The following SLC25A21 variants were observed in gnomAD, a reference collection of about 807,000 sequenced individuals.
SLC25A21 encodes the protein solute carrier family 25 member 21, also known as mitochondrial 2-oxodicarboxylate carrier.
SLC25A21 carries 47 observed loss-of-function variants against 43.8 expected under a neutral mutation model. The observed-to-expected ratio is 1.07, with a 90% CI of 0.85 to 1.37. The LOEUF (loss-of-function observed/expected upper bound fraction) is 1.37, where lower values mean the gene tolerates loss of function less well. Ranked by LOEUF, SLC25A21 falls within the 40% of genes most tolerant of loss-of-function variation. SLC25A21 has a pLI of 0.00. For synonymous variants in SLC25A21, 131 were observed against 121.3 expected (o/e 1.08, Z -0.52); for missense variants, 352 against 350.2 (o/e 1.00, Z -0.04).
chr14:37,098,746 TAGACAGACAGAC>T (rs1201386691), intron 1 of SLC25A21, among the ~76,000 whole-genome samples: 878 of 31,240 alleles, frequency 0.028, 4 homozygotes, highest in Admixed American at 0.056. Flanking sequence ...GATAGATAGA[TAGACAGACAGAC>T]AGACAGACAG....
rs1207394404 is a variant in SLC25A21 at position 36,684,761 on chromosome 14, T to A, written c.768A>T (p.Thr256=). Residue 256 remains threonine, a synonymous_variant, in exon 8 of 10, where the codon ACA becomes ACT. Transcript: ENST00000331299. ...TATGTTACCCTTCTTCCTGATAGAC[T>A]GTTGCCATTGTTTTAAAACAGGTTC... ...KYRTCFKTMA[T]VYQEEGILAL... is the part of the protein sequence containing the mutation. 1 of 1,607,802 alleles carries A rather than the reference T, an allele frequency of 6.2e-7. No homozygotes were observed. The highest frequency in any genetic ancestry group is 8.5e-7 in the Non-Finnish European group (1 of 1,177,848).
chr14:37,134,291 A>G (rs1963440405), intron 1 of SLC25A21, among the ~76,000 whole-genome samples: 1 of 152,224 alleles, frequency 6.6e-6, no homozygotes, highest in South Asian at 2.1e-4. Flanking sequence ...GAGTCCTTTT[A>G]TATCAACTTA....
chr14:36,874,300 C>T lies in SLC25A21; in HGVS notation c.119+656G>A, dbSNP rs138332450. Among the ~76,000 whole-genome samples the T allele has an allele frequency of 1.6e-3, 247 of 152,352 alleles. 1 individual carries two copies. The highest frequency in any genetic ancestry group is 5.2e-3 in the African/African-American group (215 of 41,584). ...CAAATAAATGGAAATTTTCACTAGACTCCAAGAGCTTCCAATTTGAAAAAA... is the reference window on the plus strand; with the variant it reads ...CAAATAAATGGAAATTTTCACTAGATTCCAAGAGCTTCCAATTTGAAAAAA... On this transcript the variant is annotated intron_variant, in intron 2 of 9. Transcript: ENST00000331299.
At chr14:37,167,841 T>C (rs1336359116) in intron 1 of SLC25A21, among the ~76,000 whole-genome samples, 1 of 151,532 alleles carries the variant, frequency 6.6e-6, no homozygotes, top group East Asian at 1.9e-4. Context: ...TTCGACTCCC[T>C]ATGATTTCAT....
At chr14:37,108,592 T>C (rs1160787658) in intron 1 of SLC25A21, among the ~76,000 whole-genome samples, 1 of 152,116 alleles carries the variant, frequency 6.6e-6, no homozygotes, top group Non-Finnish European at 1.5e-5. Context: ...AGAAAAGCTA[T>C]AGATTCACTT....
At chr14:36,725,736 C>A (rs1884578911) in intron 5 of SLC25A21, 59 bp from the exon 6 acceptor site, 3 of 1,077,040 alleles carry the variant, frequency 2.8e-6, no homozygotes, top group Non-Finnish European at 2.6e-6. Context: ...TGGGGTTAAA[C>A]ATCCTATTCA....
intron 1 of SLC25A21, among the ~76,000 whole-genome samples, chr14:36,934,960 G>GA (rs140314898): frequency 0.051 from 7,741 of 150,804 alleles, 323 homozygotes; most frequent in Middle Eastern, 0.14. Context: ...AAAGAAAGAA[G>GA]AAAAAAATCC....
At position 36,979,196 on chromosome 14, in the gene SLC25A21, C is replaced by T. The variant is rs569791640; in HGVS notation, c.71-104192G>A. 8.5e-5 allele frequency among the ~76,000 whole-genome samples: 13 copies of T among 152,188 alleles called. No homozygotes were observed. The East Asian group carries it at 1.2e-3, about 14-fold the overall frequency. Reference sequence around the variant, plus strand: ...TTCCTGGTCCTTTGAGCTACTCAAACGAACTAGAAAATGGGGTCTTTGCCT... The same window carrying T: ...TTCCTGGTCCTTTGAGCTACTCAAATGAACTAGAAAATGGGGTCTTTGCCT... On this transcript the variant is annotated intron_variant, in intron 1 of 9. Transcript: ENST00000331299.
At chr14:36,811,936 A>C (rs848082) in intron 3 of SLC25A21, among the ~76,000 whole-genome samples, 145,919 of 152,160 alleles carry the variant, frequency 0.96, 70,261 homozygotes, top group East Asian at 1. Flanking sequence ...TACAAAATCA[A>C]AATCTTTAAA....
At chr14:36,764,810 T>G (rs922948469) in intron 3 of SLC25A21, among the ~76,000 whole-genome samples, 3 of 152,142 alleles carry the variant, frequency 2.0e-5, no homozygotes, top group African/African-American at 4.8e-5. Context: ...AAACTGTTGT[T>G]CTGATGGCAG....
At chr14:36,926,358 C>G (rs1476455981) in intron 1 of SLC25A21, among the ~76,000 whole-genome samples, 1 of 151,600 alleles carries the variant, frequency 6.6e-6, no homozygotes, top group Non-Finnish European at 1.5e-5. Context: ...TTGGACTAGG[C>G]AACAATTCTT....
chr14:36,873,594 C>T (rs1328841236), intron 2 of SLC25A21, among the ~76,000 whole-genome samples: 2 of 152,144 alleles, frequency 1.3e-5, no homozygotes, highest in Non-Finnish European at 2.9e-5. Flanking sequence ...CCGCGCAGGG[C>T]CCCTGGTTTT....
intron 2 of SLC25A21, among the ~76,000 whole-genome samples, chr14:36,862,595 AC>A (rs1566685115): frequency 6.6e-6 from 1 of 151,474 alleles, no homozygotes; most frequent in African/African-American, 2.4e-5. Context: ...AACAACACAC[AC>A]TGGGGCCTTT....
At chr14:37,024,996 A>G (rs965648611) in intron 1 of SLC25A21, among the ~76,000 whole-genome samples, 1 of 152,174 alleles carries the variant, frequency 6.6e-6, no homozygotes, top group African/African-American at 2.4e-5. Context: ...ATAATATTCA[A>G]AATTAACACT....
intron 1 of SLC25A21, among the ~76,000 whole-genome samples, chr14:36,962,837 G>A (rs1481859538): frequency 6.6e-6 from 1 of 152,068 alleles, no homozygotes; most frequent in African/African-American, 2.4e-5. Context: ...GTCTCTTTTA[G>A]GGGTTAGACA....
rs138507809 is a variant in SLC25A21, at chr14:36,678,912, C to T, written c.*1746G>A. On this transcript the variant is annotated 3_prime_UTR_variant, in exon 10 of 10. Transcript: ENST00000331299. ...TGATTTAAAGCCACTTTTTAAAATA[C>T]GAGAAGGAAAATAGGATGGATTAAA... The T allele has an allele frequency of 4.9e-5, 48 of 978,198 alleles. No homozygotes were observed. Among genetic ancestry groups the T allele is most frequent in the African/African-American group, 4.5e-4 (26 of 57,200 alleles). The allele number at this position is 978,198 out of a possible 1,614,324, so 60.6% of individuals were successfully genotyped here.
intron 1 of SLC25A21, among the ~76,000 whole-genome samples, chr14:36,922,313 C>T (rs1224762681): frequency 6.6e-6 from 1 of 151,986 alleles, no homozygotes; most frequent in Admixed American, 6.6e-5. Context: ...GAGCTGTTTT[C>T]CCTAAGTTAT....
At chr14:36,693,838 C>G (rs1417533179) in intron 7 of SLC25A21, among the ~76,000 whole-genome samples, 1 of 152,042 alleles carries the variant, frequency 6.6e-6, no homozygotes, top group Non-Finnish European at 1.5e-5. Flanking sequence ...GAGACAGCGT[C>G]TCACTATGTT....
At chr14:37,050,442 G>C (rs1417580969) in intron 1 of SLC25A21, among the ~76,000 whole-genome samples, 1 of 152,232 alleles carries the variant, frequency 6.6e-6, no homozygotes, top group African/African-American at 2.4e-5. Context: ...GAGTTGAGCA[G>C]TTTTGCATGC....
Sources: allele counts gnomAD v4.1 joint callset (sites outside exome capture counted in the v4.1 genomes callset), GRCh38; gene constraint gnomAD v4.1.1; transcripts MANE v1.5; gene names NCBI Gene and HGNC (gene_info 2026-07-23, HGNC 2026-07-21).